Variants in FBXO36 observed in about 807,000 individuals in gnomAD.
FBXO36 encodes the protein F-box only protein 36.
FBXO36 carries 18 observed loss-of-function variants against 17.0 expected under a neutral mutation model. The ratio of observed to expected loss-of-function variants is 1.06; its 90% CI spans 0.73 to 1.57. The LOEUF (loss-of-function observed/expected upper bound fraction) is 1.57. Ranked by LOEUF, FBXO36 falls within the 40% of genes most tolerant of loss-of-function variation. The pLI, the probability that FBXO36 is intolerant of heterozygous loss-of-function variation, is 0.00. For missense variants in FBXO36, 229 were observed against 221.9 expected (o/e 1.03, Z -0.20); for synonymous variants, 83 against 85.3 (o/e 0.97, Z 0.15).
At position 229,953,520 on chromosome 2, in the gene FBXO36, T is replaced by TA. The variant is rs1041767215; in HGVS notation, c.97-22709dup. On this transcript the variant is annotated intron_variant, in intron 1 of 3. Transcript: ENST00000283946. Reference sequence around the variant, plus strand: ...GCAAAACCTCATCTCTACCAAAAATTAAAAAAAAAAAATTGGCCAAGCATA... The same window carrying TA: ...GCAAAACCTCATCTCTACCAAAAATTAAAAAAAAAAAAATTGGCCAAGCATA... Among the ~76,000 whole-genome samples, 69 of 142,934 alleles carry TA rather than the reference T, an allele frequency of 4.8e-4. 1 individual carries two copies. Among genetic ancestry groups the TA allele is most frequent in the East Asian group, 4.3e-3 (21 of 4,902 alleles). 93.8% of individuals were successfully genotyped at this position (142,934 alleles called of 152,430 possible). A position where few individuals can be genotyped will look rare whatever the true frequency, so the allele number is the denominator to read the frequency against.
chr2:229,935,778 C>G (rs2076960718), intron 1 of FBXO36, among the ~76,000 whole-genome samples: 1 of 152,128 alleles, frequency 6.6e-6, no homozygotes, highest in African/African-American at 2.4e-5. Flanking sequence ...CATTCCGTTA[C>G]CAAATGTTCA....
chr2:229,926,275 C>CA lies in FBXO36; in HGVS notation c.96+3672dup, dbSNP rs550551122. On this transcript the variant is annotated intron_variant, in intron 1 of 3. Coordinates refer to ENST00000283946, the MANE Select transcript of FBXO36 (RefSeq NM_174899.5). ...CAAAACCCCATCTCTACTAAAAATA[C>CA]AAAAAATTAGCTGGGCATGGTGATG... Among the ~76,000 whole-genome samples the CA allele has an allele frequency of 1.4e-4, 21 of 148,492 alleles. No individual in the cohort carries two copies. In the East Asian group the frequency reaches 2.8e-3, roughly 20 times the overall value.
intron 1 of FBXO36, among the ~76,000 whole-genome samples, chr2:229,947,497 C>T (rs945010473): frequency 2.0e-5 from 3 of 152,138 alleles, no homozygotes; most frequent in Non-Finnish European, 2.9e-5. Context: ...AGGATTTGGG[C>T]CATGGGGAAG....
chr2:229,994,943 A>C (rs889122601), intron 2 of FBXO36, among the ~76,000 whole-genome samples: 1 of 151,718 alleles, frequency 6.6e-6, no homozygotes, highest in African/African-American at 2.4e-5. Flanking sequence ...GTGAAACCCC[A>C]TCTCTACTAA....
intron 2 of FBXO36, among the ~76,000 whole-genome samples, chr2:229,984,880 C>T (rs768688123): frequency 6.6e-6 from 1 of 152,114 alleles, no homozygotes. Flanking sequence ...TAGGTACATG[C>T]TGGGACATCT....
chr2:229,933,262 C>T (rs1486894853), intron 1 of FBXO36, among the ~76,000 whole-genome samples: 1 of 151,940 alleles, frequency 6.6e-6, no homozygotes, highest in African/African-American at 2.4e-5. Context: ...GCGGTAGAGT[C>T]CTATAATTCT....
At chr2:230,001,641 C>T (rs761359176) in intron 3 of FBXO36, among the ~76,000 whole-genome samples, 14 of 152,140 alleles carry the variant, frequency 9.2e-5, no homozygotes, top group Non-Finnish European at 8.8e-5. Context: ...GCTTCCTTTT[C>T]AAATTCCGGG....
At chr2:229,965,287 G>A (rs1433782495) in intron 1 of FBXO36, among the ~76,000 whole-genome samples, 1 of 150,476 alleles carries the variant, frequency 6.6e-6, no homozygotes, top group Non-Finnish European at 1.5e-5. Flanking sequence ...CCTATATGCT[G>A]ATCTTTGATC....
At chr2:229,976,376 C>A in intron 2 of FBXO36, 27 bp downstream of exon 2, 1 of 1,462,964 alleles carries the variant, frequency 6.8e-7, no homozygotes, top group Non-Finnish European at 9.6e-7. Context: ...ATTATATACC[C>A]CTGTTAAGTT....
chr2:230,005,124 G>A (rs1174239718), intron 3 of FBXO36, among the ~76,000 whole-genome samples: 2 of 152,014 alleles, frequency 1.3e-5, no homozygotes, highest in African/African-American at 4.8e-5. Context: ...CCTGAGACAG[G>A]GTCATCTTGC....
At chr2:229,995,325 C>T (rs2077319411) in intron 2 of FBXO36, among the ~76,000 whole-genome samples, 1 of 151,752 alleles carries the variant, frequency 6.6e-6, no homozygotes, top group African/African-American at 2.4e-5. Flanking sequence ...TCCTTTTTTC[C>T]TACATCAAAC....
intron 1 of FBXO36, among the ~76,000 whole-genome samples, chr2:229,968,467 A>AT (rs1226285557): frequency 1.3e-5 from 2 of 151,940 alleles, no homozygotes; most frequent in Non-Finnish European, 1.5e-5. Flanking sequence ...ATTCTCTGAA[A>AT]TTTTTGTTTT....
At chr2:229,968,629 G>A (rs1328302599) in intron 1 of FBXO36, among the ~76,000 whole-genome samples, 4 of 152,016 alleles carry the variant, frequency 2.6e-5, no homozygotes, top group African/African-American at 9.7e-5. Flanking sequence ...TACCATGCCT[G>A]GCTAATTTTT....
chr2:229,962,507 T>C (rs931815807), intron 1 of FBXO36, among the ~76,000 whole-genome samples: 6 of 138,006 alleles, frequency 4.3e-5, no homozygotes, highest in African/African-American at 1.7e-4. Flanking sequence ...ATTTTTATTT[T>C]ATTTTATTTT....
rs1473785211 is a variant in FBXO36 at position 229,976,279 on chromosome 2, G to A, written c.135G>A (p.Glu45=). Residue 45 remains glutamate (E), a synonymous_variant, in exon 2 of 4, where the codon GAG becomes GAA. Transcript: ENST00000283946. ...FRWWKISLRS[E]YRSTKPGEAK... The stretch of plus-strand genomic sequence containing the variant: ...GGTGGAAGATCTCTCTAAGGAGTGA[G>A]TATCGATCAACAAAACCTGGAGAAG... The A allele has an allele frequency of 1.2e-6, 2 of 1,613,470 alleles. No individual in the cohort carries two copies. The highest frequency in any genetic ancestry group is 2.2e-5 in the East Asian group (1 of 44,808).
chr2:230,010,318 A>G (rs2106221002), intron 3 of FBXO36, among the ~76,000 whole-genome samples: 1 of 152,342 alleles, frequency 6.6e-6, no homozygotes. Context: ...ATGAATTGGA[A>G]TTAACTAGAG....
At chr2:229,968,812 T>C (rs2077166588) in intron 1 of FBXO36, among the ~76,000 whole-genome samples, 1 of 152,066 alleles carries the variant, frequency 6.6e-6, no homozygotes, top group East Asian at 1.9e-4. Context: ...CTTGTTCTGT[T>C]GCCCAGGCTG....
Position 230,012,076 on chromosome 2 carries a change from C to G in FBXO36, c.*1192C>G, listed in dbSNP as rs2106222499. On this transcript the variant is annotated 3_prime_UTR_variant, in exon 4 of 4. Coordinates refer to ENST00000283946, the MANE Select transcript of FBXO36 (RefSeq NM_174899.5). ...AAAGTAGCTTTCTACTTCCACATCA[C>G]ATTATAATATAGCCTTATAATTTCT... 6.6e-6 allele frequency: 1 copy of G among 152,292 alleles called. No homozygotes were observed. Among genetic ancestry groups the G allele is most frequent in the South Asian group, 2.1e-4 (1 of 4,824 alleles). The allele number at this position is 152,292 out of a possible 1,614,324, so 9.4% of individuals were successfully genotyped here.
At chr2:229,932,157 G>A (rs1211217377) in intron 1 of FBXO36, among the ~76,000 whole-genome samples, 3 of 151,940 alleles carry the variant, frequency 2.0e-5, no homozygotes, top group East Asian at 1.9e-4. Flanking sequence ...CGAGGTGGGC[G>A]GATCACAAAG....
Sources: allele counts gnomAD v4.1 joint callset (sites outside exome capture counted in the v4.1 genomes callset), GRCh38; gene constraint gnomAD v4.1.1; transcripts MANE v1.5; gene names NCBI Gene and HGNC (gene_info 2026-07-23, HGNC 2026-07-21).